The following SHANK2 variants were observed in gnomAD, a reference collection of about 807,000 sequenced individuals.
SHANK2 encodes the protein SH3 and multiple ankyrin repeat domains 2.
Under a neutral mutation model 133.7 loss-of-function variants are expected in SHANK2, and 43 were observed. The ratio of observed to expected loss-of-function variants is 0.32; its 90% CI spans 0.25 to 0.41. The LOEUF (loss-of-function observed/expected upper bound fraction) is 0.41. Among genes scored for constraint, SHANK2 ranks in the 10% least tolerant of loss-of-function variants. SHANK2 has a pLI of 1.00. For synonymous variants in SHANK2, 1,017 were observed against 952.8 expected (o/e 1.07, Z -1.24); for missense variants, 1,994 against 2,235.8 (o/e 0.89, Z 2.18).
chr11:70,905,758 A>G (rs1365963088), intron 10 of SHANK2, among the ~76,000 whole-genome samples: 3 of 151,816 alleles, frequency 2.0e-5, no homozygotes, highest in African/African-American at 7.3e-5. Flanking sequence ...CTCTGGAGCT[A>G]TAACAGATCC....
At chr11:70,823,843 A>G (rs3019850) in intron 11 of SHANK2, among the ~76,000 whole-genome samples, 144,392 of 147,278 alleles carry the variant, frequency 0.98, 70,820 homozygotes, top group Middle Eastern at 1. Flanking sequence ...GGTGGCGTTG[A>G]CAGAGCTCCT....
At chr11:71,169,419 C>T (rs879950959) in intron 2 of SHANK2, among the ~76,000 whole-genome samples, 2 of 152,138 alleles carry the variant, frequency 1.3e-5, no homozygotes, top group African/African-American at 4.8e-5. Context: ...ATTCATGTGA[C>T]TCCAAAATAT....
intron 21 of SHANK2, among the ~76,000 whole-genome samples, chr11:70,492,883 C>T (rs1319175255): frequency 6.7e-6 from 1 of 149,148 alleles, no homozygotes; most frequent in Non-Finnish European, 1.5e-5. Context: ...GCAACCTCCG[C>T]CTCCCAGGTT....
chr11:71,165,520 C>G (rs1192086264), intron 2 of SHANK2, among the ~76,000 whole-genome samples: 1 of 152,112 alleles, frequency 6.6e-6, no homozygotes, highest in Admixed American at 6.5e-5. Flanking sequence ...CCTCAAGGCC[C>G]CTACAGCATG....
At chr11:70,794,316 T>C (rs1203980205) in intron 14 of SHANK2, among the ~76,000 whole-genome samples, 2 of 150,438 alleles carry the variant, frequency 1.3e-5, no homozygotes, top group Non-Finnish European at 3.0e-5. Flanking sequence ...CACTGAGTCC[T>C]GCAATACATA....
chr11:70,955,530 T>TTG lies in SHANK2; in HGVS notation c.1108-58965_1108-58964dup, dbSNP rs1204791787. Among the ~76,000 whole-genome samples the TTG allele has an allele frequency of 3.6e-4, 55 of 151,882 alleles. No homozygotes were observed. In the East Asian group the frequency reaches 0.011, roughly 29 times the overall value. On this transcript the variant is annotated intron_variant, in intron 10 of 25. Coordinates refer to ENST00000601538, the MANE Select transcript of SHANK2 (RefSeq NM_012309.5). ...TTGTAATATGTGTCTATGTATATAT[T>TTG]TGTGTATGTGTGTACTTTACGTGTG...
chr11:70,748,579 C>T (rs1565289621), intron 14 of SHANK2, among the ~76,000 whole-genome samples: 1 of 152,172 alleles, frequency 6.6e-6, no homozygotes, highest in Non-Finnish European at 1.5e-5. Context: ...TCCAACAGTC[C>T]ACCTTTAAAA....
In SHANK2 at chr11:71,152,996, C is replaced by T. The variant is rs556522335; in HGVS notation, c.-12-5658G>A. On this transcript the variant is annotated intron_variant, in intron 2 of 25. Transcript: ENST00000601538. ...CTTTACTGCATGTCCCAAATAATTG[C>T]GTGGGACATTCTTATACTAAAAAAC... is the stretch of plus-strand genomic sequence containing the variant. Among the ~76,000 whole-genome samples the T allele has an allele frequency of 9.2e-5, 14 of 152,280 alleles. 1 individual carries two copies. The highest frequency in any genetic ancestry group is 5.9e-4 in the Admixed American group (9 of 15,300).
intron 3 of SHANK2, among the ~76,000 whole-genome samples, chr11:71,139,905 C>G (rs1436267263): frequency 6.6e-6 from 1 of 152,202 alleles, no homozygotes; most frequent in Non-Finnish European, 1.5e-5. Flanking sequence ...CTCACTCGGC[C>G]AGCAGCAGTG....
chr11:71,140,434 A>G (rs1329305751), intron 3 of SHANK2, among the ~76,000 whole-genome samples: 7 of 152,228 alleles, frequency 4.6e-5, no homozygotes, highest in Admixed American at 1.3e-4. Context: ...TGCAAGGGGA[A>G]GATTACCCTG....
At chr11:70,565,538 G>A (rs574302993) in intron 17 of SHANK2, among the ~76,000 whole-genome samples, 3 of 152,118 alleles carry the variant, frequency 2.0e-5, no homozygotes, top group Non-Finnish European at 2.9e-5. Context: ...GAGCCACCAC[G>A]CCTGGCCTCA....
chr11:70,920,955 G>C (rs1010663206), intron 10 of SHANK2, among the ~76,000 whole-genome samples: 73 of 152,280 alleles, frequency 4.8e-4, no homozygotes, highest in Non-Finnish European at 7.3e-4. Flanking sequence ...AAACTTAGAC[G>C]TGGCCCTTAA....
At chr11:71,076,466 A>AT (rs1951220768) in intron 8 of SHANK2, among the ~76,000 whole-genome samples, 1 of 151,584 alleles carries the variant, frequency 6.6e-6, no homozygotes, top group Admixed American at 6.6e-5. Flanking sequence ...TATTGAAACT[A>AT]TTAATTGGAT....
chr11:71,196,955 G>A (rs547496561), intron 2 of SHANK2, among the ~76,000 whole-genome samples: 10 of 135,140 alleles, frequency 7.4e-5, no homozygotes, highest in South Asian at 7.1e-4. Flanking sequence ...CTGAGATAGC[G>A]CCACCGCACT....
At chr11:71,239,576 T>C (rs1469405566) in intron 1 of SHANK2, among the ~76,000 whole-genome samples, 2 of 152,112 alleles carry the variant, frequency 1.3e-5, no homozygotes, top group South Asian at 2.1e-4. Flanking sequence ...TCCTTCCACA[T>C]CAGCCTCCCG....
intron 14 of SHANK2, among the ~76,000 whole-genome samples, chr11:70,721,175 C>T (rs371775767): frequency 4.7e-4 from 72 of 152,310 alleles, no homozygotes; most frequent in African/African-American, 1.7e-3. Context: ...CTCCCTGGCA[C>T]GCTCTGCTGC....
intron 11 of SHANK2, among the ~76,000 whole-genome samples, chr11:70,886,292 T>C (rs977026522): frequency 7.2e-5 from 11 of 152,202 alleles, no homozygotes; most frequent in African/African-American, 2.7e-4. Flanking sequence ...AAATATTCTA[T>C]GGGAATCTGG....
intron 2 of SHANK2, among the ~76,000 whole-genome samples, chr11:71,153,902 G>A (rs564170785): frequency 2.0e-5 from 3 of 152,068 alleles, no homozygotes; most frequent in South Asian, 2.1e-4. Flanking sequence ...CTTGGGAGGC[G>A]GAGTTTGTAG....
chr11:70,601,218 A>ATTTT (rs34893050), intron 17 of SHANK2, among the ~76,000 whole-genome samples: 2 of 147,912 alleles, frequency 1.4e-5, no homozygotes, highest in Non-Finnish European at 1.5e-5. Context: ...CGCCCAGCTA[A>ATTTT]TTTTTTTTTT....
Sources: allele counts gnomAD v4.1 joint callset (sites outside exome capture counted in the v4.1 genomes callset), GRCh38; gene constraint gnomAD v4.1.1; transcripts MANE v1.5; gene names NCBI Gene and HGNC (gene_info 2026-07-23, HGNC 2026-07-21).